IPPK: variants seen among roughly 807,000 people sequenced by gnomAD.
The protein encoded by IPPK is IPK1 homolog.
A neutral mutation model predicts 64.6 loss-of-function variants in IPPK; 22 were observed. That is an observed-to-expected ratio of 0.34 (90% confidence interval 0.24 to 0.49). The LOEUF (loss-of-function observed/expected upper bound fraction) is 0.49. Among genes scored for constraint, IPPK ranks in the 20% least tolerant of loss-of-function variants. IPPK has a pLI of 0.99. For synonymous variants in IPPK, 262 were observed against 247.2 expected, an observed-to-expected ratio of 1.06 and a Z score of -0.56; for missense variants, 532 against 630.7, an observed-to-expected ratio of 0.84 and a Z score of 1.68.
At chr9:92,652,981 C>T (rs72756431) in intron 3 of IPPK, among the ~76,000 whole-genome samples, 7,806 of 152,270 alleles carry the variant, frequency 0.051, 240 homozygotes, top group South Asian at 0.11. Context: ...CTTCTGGTCT[C>T]TACAGCATTT....
At chr9:92,624,133 C>A (rs980216078) in intron 11 of IPPK, among the ~76,000 whole-genome samples, 9 of 152,020 alleles carry the variant, frequency 5.9e-5, no homozygotes, top group Middle Eastern at 3.4e-3. Context: ...CCCAGGAGAT[C>A]GAGACCAGCC....
At chr9:92,638,643 C>T (rs899849340) in intron 8 of IPPK, among the ~76,000 whole-genome samples, 17 of 152,386 alleles carry the variant, frequency 1.1e-4, no homozygotes, top group African/African-American at 4.1e-4. Flanking sequence ...ACTCAAGAAC[C>T]TGAGGGCCTT....
At chr9:92,637,934 A>G in intron 9 of IPPK, 67 bp downstream of exon 9, 1 of 1,427,398 alleles carries the variant, frequency 7.0e-7, no homozygotes, top group Non-Finnish European at 9.2e-7. Flanking sequence ...CTGGCCACCC[A>G]TGGGGACTGC....
chr9:92,636,360 G>A (rs1461601285), intron 9 of IPPK, among the ~76,000 whole-genome samples: 1 of 152,222 alleles, frequency 6.6e-6, no homozygotes, highest in Admixed American at 6.5e-5. Context: ...GTGATCTCCA[G>A]GCGCCGTGGC....
chr9:92,653,674 AC>A (rs1180953418), intron 3 of IPPK, among the ~76,000 whole-genome samples: 3 of 152,108 alleles, frequency 2.0e-5, no homozygotes, highest in Non-Finnish European at 4.4e-5. Context: ...ACATGGTGAA[AC>A]CCCGTCTCTA....
intron 1 of IPPK, among the ~76,000 whole-genome samples, chr9:92,668,178 A>C (rs747036644): frequency 4.7e-4 from 71 of 150,290 alleles, no homozygotes; most frequent in Non-Finnish European, 7.9e-4. Context: ...TGAGGCAGGA[A>C]AATCGCTTGA....
intron 3 of IPPK, 107 bp from the exon 4 acceptor site, chr9:92,652,746 T>C: frequency 3.8e-6 from 2 of 529,610 alleles, no homozygotes; most frequent in Non-Finnish European, 6.7e-6. Context: ...TTTTATGTTA[T>C]GTGTAATTTA....
In IPPK at chr9:92,657,335, C is replaced by T. The variant is rs1587643000; in HGVS notation, c.130-784G>A. 2.0e-5 allele frequency among the ~76,000 whole-genome samples: 3 copies of T among 150,998 alleles called. No homozygotes were observed. In the South Asian group the frequency reaches 6.4e-4, roughly 32 times the overall value. ...CTGCACTCCAGCCTGGATGACAGGG[C>T]GAGACTCTGTCTCAAAAAAAAAAAA... On this transcript the variant is annotated intron_variant, in intron 2 of 12. Coordinates refer to ENST00000287996, the MANE Select transcript of IPPK (RefSeq NM_022755.6).
intron 11 of IPPK, among the ~76,000 whole-genome samples, chr9:92,623,917 C>T (rs544187253): frequency 4.6e-5 from 7 of 152,274 alleles, no homozygotes; most frequent in South Asian, 4.1e-4. Flanking sequence ...TATTCATAAC[C>T]GCCAAAAACT....
chr9:92,617,871 C>T (rs1169954726), intron 12 of IPPK: 2 of 211,890 alleles, frequency 9.4e-6, no homozygotes, highest in Admixed American at 5.3e-5. Context: ...CAACTTGAGA[C>T]ATTTTCCTTT....
chr9:92,664,443 T>C (rs979928770), intron 1 of IPPK, among the ~76,000 whole-genome samples: 2 of 152,194 alleles, frequency 1.3e-5, no homozygotes, highest in Non-Finnish European at 2.9e-5. Context: ...TTGTCCAACC[T>C]GTATGGGGCA....
In IPPK at chr9:92,615,590, G is replaced by A. The variant is rs118177985; in HGVS notation, c.*242C>T. The A allele has an allele frequency of 2.3e-3, 1,110 of 489,972 alleles. 8 individuals are homozygous for A. Among genetic ancestry groups the A allele is most frequent in the Non-Finnish European group, 2.5e-3 (670 of 269,954 alleles). The allele number at this position is 489,972 out of a possible 1,614,324, so 30.4% of individuals were successfully genotyped here. A position where few individuals can be genotyped will look rare whatever the true frequency, so the allele number is the denominator to read the frequency against. On this transcript the variant is annotated 3_prime_UTR_variant, in exon 13 of 13. Coordinates refer to ENST00000287996, the MANE Select transcript of IPPK (RefSeq NM_022755.6). ...CCAGAACGTCTTCCCAGGGCTTAACGGACACTTCCATTTTAAGAGTGTGAG... is the reference window on the plus strand; with the variant it reads ...CCAGAACGTCTTCCCAGGGCTTAACAGACACTTCCATTTTAAGAGTGTGAG...
intron 11 of IPPK, among the ~76,000 whole-genome samples, chr9:92,627,763 A>G (rs774015554): frequency 2.4e-4 from 36 of 152,206 alleles, no homozygotes; most frequent in Non-Finnish European, 5.0e-4. Flanking sequence ...GAAAGACTGA[A>G]CACTGTCCCC....
At chr9:92,665,433 T>C (rs187044141) in intron 1 of IPPK, among the ~76,000 whole-genome samples, 2 of 152,394 alleles carry the variant, frequency 1.3e-5, no homozygotes, top group Admixed American at 1.3e-4. Flanking sequence ...GATATCTTTG[T>C]GTATAAGATC....
intron 1 of IPPK, among the ~76,000 whole-genome samples, chr9:92,666,036 GA>G (rs1852589181): frequency 6.6e-6 from 1 of 152,168 alleles, no homozygotes; most frequent in African/African-American, 2.4e-5. Flanking sequence ...GAAAGGTCAC[GA>G]AACTGGAACA....
chr9:92,669,936 T>C lies in IPPK; in HGVS notation c.53A>G (p.Asn18Ser), dbSNP rs767777848. ...ENEWGYHGEGNKSLVVAHAQR... is the reference protein window; with the variant it reads ...ENEWGYHGEGSKSLVVAHAQR... Reference sequence around the variant, plus strand: ...CGCGTGGGCCACCACCAGGCTCTTATTGCCCTCTCCGTGGTACCCCCATTC... The same window carrying C: ...CGCGTGGGCCACCACCAGGCTCTTACTGCCCTCTCCGTGGTACCCCCATTC... Residue 18 changes from asparagine to serine, a missense_variant, in exon 1 of 13, where the codon AAT becomes AGT. Physicochemically the swap from Asn to Ser is conservative, Grantham distance 46. Transcript: ENST00000287996. The C allele has an allele frequency of 6.2e-7, 1 of 1,613,230 alleles. No homozygotes were observed. The highest frequency in any genetic ancestry group is 1.3e-5 in the African/African-American group (1 of 74,960).
intron 11 of IPPK, among the ~76,000 whole-genome samples, chr9:92,632,040 T>G (rs1175005108): frequency 1.3e-5 from 2 of 152,370 alleles, no homozygotes; most frequent in Non-Finnish European, 2.9e-5. Flanking sequence ...CTGGGCTGTT[T>G]AGCAAGAGTC....
At chr9:92,619,626 C>A in intron 11 of IPPK, 61 bp from the exon 12 acceptor site, 1 of 1,420,062 alleles carries the variant, frequency 7.0e-7, no homozygotes, top group South Asian at 1.2e-5. Flanking sequence ...CCCCACACAA[C>A]CTTCCTTCCC....
Position 92,635,664 on chromosome 9 carries a change from A to C in IPPK, c.917-356T>G, listed in dbSNP as rs1851928560. Among the ~76,000 whole-genome samples the C allele has an allele frequency of 6.6e-6, 1 of 152,104 alleles. No homozygotes were observed. Among genetic ancestry groups the C allele is most frequent in the Non-Finnish European group, 1.5e-5 (1 of 68,028 alleles). ...GGAAGTCACTTTATGATCTAAGTTT[A>C]GACATAATCCTCATTTTAAGTCAGG... On this transcript the variant is annotated intron_variant, in intron 9 of 12. Transcript: ENST00000287996. This position sits in a 1 kb window ranked among gnomAD's most constrained non-coding sequence, Gnocchi z 4.4.
Sources: gnomAD v4.1 joint callset for allele counts (sites outside exome capture counted in the v4.1 genomes callset) on GRCh38, gnomAD v4.1.1 for gene constraint, Gnocchi (gnomAD v3.1) non-coding constraint, MANE v1.5 for transcripts, NCBI Gene and HGNC (gene_info 2026-07-23, HGNC 2026-07-21) for gene names.